Variants in SLC22A25 observed in about 807,000 individuals in gnomAD.
SLC22A25 encodes solute carrier family 22 member 25.
Under a neutral mutation model 45.9 loss-of-function variants are expected in SLC22A25, and 44 were observed. The observed-to-expected ratio is 0.96, with a 90% CI of 0.75 to 1.23. SLC22A25 has a LOEUF of 1.23. SLC22A25 is among the 50% of genes most tolerant of loss of function. The pLI is 0.00. For synonymous variants in SLC22A25, 283 were observed against 238.6 expected (o/e 1.19, Z -1.72); for missense variants, 800 against 666.4 (o/e 1.20, Z -2.21).
chr11:63,183,893 C>T (rs539132513), intron 7 of SLC22A25, 76 bp from the exon 8 acceptor site: 88 of 1,589,780 alleles, frequency 5.5e-5, no homozygotes, highest in Non-Finnish European at 5.0e-5. Context: ...TCCTGAGATG[C>T]CTTTCCCCTC....
intron 9 of SLC22A25, among the ~76,000 whole-genome samples, chr11:63,169,571 G>T (rs2087805077): frequency 6.6e-6 from 1 of 151,892 alleles, no homozygotes; most frequent in African/African-American, 2.4e-5. Context: ...GACAAAGAAG[G>T]GCATTACATA....
chr11:63,184,678 A>AAAG (rs1432777936), intron 7 of SLC22A25, among the ~76,000 whole-genome samples: 1 of 152,178 alleles, frequency 6.6e-6, no homozygotes, highest in Non-Finnish European at 1.5e-5. Context: ...ACGACAATTA[A>AAAG]AAGCATCTCA....
chr11:63,206,605 A>T (rs1222297884), intron 7 of SLC22A25, among the ~76,000 whole-genome samples: 1 of 152,262 alleles, frequency 6.6e-6, no homozygotes, highest in Non-Finnish European at 1.5e-5. Context: ...CTTCAAGGAG[A>T]ATTGCAAACC....
intron 7 of SLC22A25, among the ~76,000 whole-genome samples, chr11:63,195,925 C>T (rs2089010005): frequency 6.6e-6 from 1 of 152,122 alleles, no homozygotes; most frequent in African/African-American, 2.4e-5. Context: ...GGGGATATCA[C>T]CACGGATCCC....
intron 7 of SLC22A25, among the ~76,000 whole-genome samples, chr11:63,213,030 T>C (rs151048320): frequency 5.3e-4 from 80 of 152,208 alleles, no homozygotes; most frequent in Middle Eastern, 3.4e-3. Context: ...TTTTGAGAGG[T>C]TGGATATCTA....
At position 63,242,855 on chromosome 11, in the gene SLC22A25, G is replaced by T. The variant is rs189749734; in HGVS notation, c.-996+579C>A. Among the ~76,000 whole-genome samples the T allele has an allele frequency of 1.7e-3, 261 of 152,214 alleles. 2 individuals are homozygous for T. The highest frequency in any genetic ancestry group is 6.0e-3 in the African/African-American group (249 of 41,538). On this transcript the variant is annotated intron_variant, in intron 1 of 11. Coordinates refer to ENST00000306494, the MANE Select transcript of SLC22A25 (RefSeq NM_199352.6). ...GAGGTGGAGTTCGAAGGGGAGGAGA[G>T]ATGTGAGCGAGGCAGGCAGGGAAGC...
chr11:63,192,566 C>T (rs1237782077), intron 7 of SLC22A25, among the ~76,000 whole-genome samples: 1 of 152,076 alleles, frequency 6.6e-6, no homozygotes, highest in Admixed American at 6.6e-5. Context: ...AAAACAAGAC[C>T]CATTGGTGTG....
At chr11:63,203,136 C>T (rs963183367) in intron 7 of SLC22A25, among the ~76,000 whole-genome samples, 1 of 152,076 alleles carries the variant, frequency 6.6e-6, no homozygotes, top group African/African-American at 2.4e-5. Context: ...TACAATCACA[C>T]AAAAACCCCA....
intron 3 of SLC22A25, among the ~76,000 whole-genome samples, chr11:63,230,341 G>A (rs575691328): frequency 4.4e-4 from 67 of 152,280 alleles, no homozygotes; most frequent in Non-Finnish European, 8.7e-4. Context: ...AGCTCATATG[G>A]AGGTTTACTT....
rs775951052 is a variant in SLC22A25 at position 63,228,609 on chromosome 11, G to A, written c.403-45C>T. 18 of 1,397,928 alleles carry A rather than the reference G, an allele frequency of 1.3e-5. No individual in the cohort carries two copies. The South Asian group carries it at 2.0e-4, about 15-fold the overall frequency. The allele number at this position is 1,397,928 out of a possible 1,614,324, so 86.6% of individuals were successfully genotyped here. A position where few individuals can be genotyped will look rare whatever the true frequency, so the allele number is the denominator to read the frequency against. On this transcript the variant is annotated intron_variant, in intron 4 of 11. Transcript: ENST00000306494. ...TCATATCAATGCTTATAGCCCCTCA[G>A]TGTAACCTTATCAAAATGTCTTAAA...
At chr11:63,207,445 G>T (rs118088880) in intron 7 of SLC22A25, among the ~76,000 whole-genome samples, 1 of 152,114 alleles carries the variant, frequency 6.6e-6, no homozygotes, top group Admixed American at 6.6e-5. Flanking sequence ...CCATCAAAAA[G>T]TGGGTAAAGG....
intron 7 of SLC22A25, among the ~76,000 whole-genome samples, chr11:63,185,313 G>A (rs2088486195): frequency 6.6e-6 from 1 of 151,156 alleles, no homozygotes; most frequent in African/African-American, 2.4e-5. Context: ...ACAGGCCCTG[G>A]TGAGTGATGT....
intron 8 of SLC22A25, among the ~76,000 whole-genome samples, chr11:63,181,758 G>A (rs1472798868): frequency 1.3e-5 from 2 of 152,068 alleles, no homozygotes. Flanking sequence ...GTTAGGCTCT[G>A]CACCTCTGGG....
chr11:63,230,601 T>C (rs1046891022), intron 3 of SLC22A25, among the ~76,000 whole-genome samples: 1 of 152,212 alleles, frequency 6.6e-6, no homozygotes, highest in Admixed American at 6.5e-5. Flanking sequence ...GTATACCTCA[T>C]TGAGGTATAA....
At position 63,158,708 on chromosome 11, in the gene SLC22A25, C is replaced by T. The variant is rs535695105; in HGVS notation, c.*5116G>A. ...GGATATTAATAATCACATTATGCAGCATGGGGTATCTGTCCCTCAAGCGTT... is the reference window on the plus strand; with the variant it reads ...GGATATTAATAATCACATTATGCAGTATGGGGTATCTGTCCCTCAAGCGTT... On this transcript the variant is annotated 3_prime_UTR_variant, in exon 12 of 12. Transcript: ENST00000306494. Among the ~76,000 whole-genome samples the T allele has an allele frequency of 1.3e-5, 2 of 152,322 alleles. No individual in the cohort carries two copies. Among genetic ancestry groups the T allele is most frequent in the East Asian group, 3.9e-4 (2 of 5,186 alleles).
intron 9 of SLC22A25, among the ~76,000 whole-genome samples, chr11:63,178,848 T>G (rs2088213613): frequency 6.6e-6 from 1 of 152,172 alleles, no homozygotes; most frequent in Non-Finnish European, 1.5e-5. Flanking sequence ...TTGCTTTGTT[T>G]GCCTGTGCTT....
intron 8 of SLC22A25, among the ~76,000 whole-genome samples, chr11:63,182,129 A>G (rs562317443): frequency 6.6e-6 from 1 of 151,950 alleles, no homozygotes; most frequent in African/African-American, 2.4e-5. Context: ...GATAATATTT[A>G]CAAAATAAAA....
At chr11:63,218,132 G>A (rs1430129400) in intron 5 of SLC22A25, 2 of 459,302 alleles carry the variant, frequency 4.4e-6, no homozygotes, top group Non-Finnish European at 4.3e-6. Flanking sequence ...TAACCTCAAT[G>A]CCCACCAATG....
At chr11:63,172,071 C>G (rs1166426322) in intron 9 of SLC22A25, among the ~76,000 whole-genome samples, 1 of 152,114 alleles carries the variant, frequency 6.6e-6, no homozygotes, top group Non-Finnish European at 1.5e-5. Context: ...ATAAATGGTG[C>G]TGGGAAAACT....
Sources: gnomAD v4.1 joint callset for allele counts (sites outside exome capture counted in the v4.1 genomes callset) on GRCh38, gnomAD v4.1.1 for gene constraint, MANE v1.5 for transcripts, NCBI Gene and HGNC (gene_info 2026-07-23, HGNC 2026-07-21) for gene names.